The following HVCN1 variants were observed in gnomAD, a reference collection of about 807,000 sequenced individuals.
HVCN1 encodes hydrogen voltage gated channel 1, also known as voltage-gated hydrogen channel 1.
HVCN1 carries 14 observed loss-of-function variants against 29.2 expected under a neutral mutation model. That is an observed-to-expected ratio of 0.48 (90% CI 0.32 to 0.75). The LOEUF is 0.75. HVCN1 is among the 30% of genes least tolerant of loss of function. The pLI is 0.04. For synonymous variants in HVCN1, 131 were observed against 133.2 expected, an observed-to-expected ratio of 0.98 and a Z score of 0.11; for missense variants, 263 against 341.8, an observed-to-expected ratio of 0.77 and a Z score of 1.82.
rs182386983 is a variant in HVCN1 at position 110,696,099 on chromosome 12, C to A, written c.-104+6210G>T. ...TCCTGAGTAGCTGGGATTACAGGAG[C>A]CCGCCACCATGCTCAGCTAATTTTT... On this transcript the variant is annotated intron_variant, in intron 2 of 4. Coordinates refer to the HVCN1 transcript ENST00000546713. 1.1e-3 allele frequency among the ~76,000 whole-genome samples: 169 copies of A among 151,884 alleles called. 3 individuals are homozygous for A. The highest frequency in any genetic ancestry group is 3.9e-3 in the African/African-American group (161 of 41,432).
At chr12:110,654,872 A>G (rs2067937063) in intron 5 of HVCN1, among the ~76,000 whole-genome samples, 1 of 152,098 alleles carries the variant, frequency 6.6e-6, no homozygotes, top group Admixed American at 6.5e-5. Context: ...TGGGCTCAGT[A>G]ACTGAATCAG....
intron 2 of HVCN1, among the ~76,000 whole-genome samples, chr12:110,695,952 A>ATTT (rs200611942): frequency 1.5e-5 from 2 of 137,158 alleles, no homozygotes; most frequent in African/African-American, 2.7e-5. Flanking sequence ...GGATCGTTTG[A>ATTT]TTTTTTTTTT....
chr12:110,682,825 T>TAGATCTC, intron 3 of HVCN1: 2 of 263,254 alleles, frequency 7.6e-6, no homozygotes, highest in Admixed American at 5.1e-5. Context: ...TAGCCAGGTG[T>TAGATCTC]GGTGGTGCAT....
At position 110,653,821 on chromosome 12, in the gene HVCN1, G is replaced by A. The variant is rs1336565310; in HGVS notation, c.411+1413C>T. 4.6e-5 allele frequency among the ~76,000 whole-genome samples: 7 copies of A among 152,090 alleles called. No individual in the cohort carries two copies. In the South Asian group the frequency reaches 6.2e-4, roughly 14 times the overall value. On this transcript the variant is annotated intron_variant, in intron 5 of 7. Transcript: ENST00000242607. ...AGTGCCACTGCACTCCAGCCTGGGCGATAGAGACTGTCTCAAAAAAATAAA... is the reference window on the plus strand; with the variant it reads ...AGTGCCACTGCACTCCAGCCTGGGCAATAGAGACTGTCTCAAAAAAATAAA...
intron 3 of HVCN1, among the ~76,000 whole-genome samples, chr12:110,679,986 AC>A (rs779123906): frequency 2.6e-5 from 4 of 152,112 alleles, no homozygotes; most frequent in South Asian, 2.1e-4. Context: ...TGGCTACAAA[AC>A]CCCACCAGTT....
At chr12:110,698,676 A>T (rs2069529642) in intron 2 of HVCN1, among the ~76,000 whole-genome samples, 1 of 152,164 alleles carries the variant, frequency 6.6e-6, no homozygotes, top group Non-Finnish European at 1.5e-5. Flanking sequence ...GACTTCCAGG[A>T]GTTTCCTCCT....
At chr12:110,660,403 G>A (rs776228163) in intron 4 of HVCN1, among the ~76,000 whole-genome samples, 5 of 152,216 alleles carry the variant, frequency 3.3e-5, no homozygotes, top group Non-Finnish European at 7.3e-5. Context: ...CTAAGGCCAG[G>A]ACAGGCAGGT....
intron 3 of HVCN1, among the ~76,000 whole-genome samples, chr12:110,670,553 T>C (rs752222840): frequency 3.3e-5 from 5 of 152,164 alleles, no homozygotes; most frequent in Non-Finnish European, 7.4e-5. Flanking sequence ...AACCCTGAGG[T>C]TGAGGCCATC....
At chr12:110,654,243 C>T (rs948550059) in intron 5 of HVCN1, among the ~76,000 whole-genome samples, 1 of 151,890 alleles carries the variant, frequency 6.6e-6, no homozygotes, top group Non-Finnish European at 1.5e-5. Context: ...AAGACCCAGT[C>T]TCTGAGAAAC....
intron 3 of HVCN1, among the ~76,000 whole-genome samples, chr12:110,674,721 T>G (rs1480061819): frequency 6.6e-6 from 1 of 152,196 alleles, no homozygotes; most frequent in Non-Finnish European, 1.5e-5. Context: ...TGTAAGTGCT[T>G]TTCGTCTCCT....
At chr12:110,691,606 G>C (rs751872232), upstream of HVCN1, among the ~76,000 whole-genome samples, 12 of 152,174 alleles carry the variant, frequency 7.9e-5, no homozygotes, top group Non-Finnish European at 1.8e-4. Flanking sequence ...AGGGAAAAGG[G>C]AACAAGTACC....
chr12:110,660,553 A>AT (rs954699934), intron 4 of HVCN1, among the ~76,000 whole-genome samples: 14 of 151,868 alleles, frequency 9.2e-5, no homozygotes, highest in Middle Eastern at 6.8e-3. Context: ...CCCTTTATTT[A>AT]TTTTTTTTGT....
chr12:110,689,151 G>GC (rs1263347592), upstream of HVCN1: 15 of 74,148 alleles, frequency 2.0e-4, no homozygotes, highest in Non-Finnish European at 3.8e-4. The surrounding 1 kb of genome is among the most constrained non-coding windows in gnomAD (Gnocchi z 5.7). Context: ...AGCCCGTCCC[G>GC]CCCCGTACCG....
chr12:110,684,943 A>T (rs937190880), intron 2 of HVCN1, among the ~76,000 whole-genome samples: 12 of 151,390 alleles, frequency 7.9e-5, no homozygotes, highest in Admixed American at 3.3e-4. Context: ...CTTTTATTTT[A>T]TTTTTTTTGT....
rs1448068997 is a variant in HVCN1, at chr12:110,649,400, T to C, written c.*10A>G. ...ACAGTGTCTTCTTTTTGAGGGGAGC[T>C]GGTCCGGGTCTAGTTCACTTCACCA... On this transcript the variant is annotated 3_prime_UTR_variant, in exon 8 of 8. Transcript: ENST00000242607. 1.2e-6 allele frequency: 2 copies of C among 1,604,432 alleles called. No homozygotes were observed. Among genetic ancestry groups the C allele is most frequent in the South Asian group, 2.2e-5 (2 of 89,990 alleles).
At chr12:110,699,249 CG>C (rs1316572540) in intron 2 of HVCN1, among the ~76,000 whole-genome samples, 1 of 152,278 alleles carries the variant, frequency 6.6e-6, no homozygotes, top group East Asian at 1.9e-4. Context: ...TTCGTGTTCT[CG>C]GCACACTCGC....
At chr12:110,674,757 C>A (rs1411351869) in intron 3 of HVCN1, among the ~76,000 whole-genome samples, 1 of 152,182 alleles carries the variant, frequency 6.6e-6, no homozygotes, top group African/African-American at 2.4e-5. Context: ...CCTCGCCAGC[C>A]ATATGGAACT....
At chr12:110,667,635 T>C (rs1566043955) in intron 3 of HVCN1, among the ~76,000 whole-genome samples, 1 of 152,068 alleles carries the variant, frequency 6.6e-6, no homozygotes, top group Non-Finnish European at 1.5e-5. Context: ...TTTTGCTATG[T>C]TGCCCAGGCT....
At chr12:110,665,440 C>A (rs1294437746) in intron 3 of HVCN1, among the ~76,000 whole-genome samples, 1 of 151,588 alleles carries the variant, frequency 6.6e-6, no homozygotes, top group South Asian at 2.1e-4. Flanking sequence ...TCTGTAATCC[C>A]AGCTACTTGG....
Sources: allele counts gnomAD v4.1 joint callset (sites outside exome capture counted in the v4.1 genomes callset), GRCh38; gene constraint gnomAD v4.1.1; non-coding constraint Gnocchi (gnomAD v3.1); transcripts MANE v1.5; gene names NCBI Gene and HGNC (gene_info 2026-07-23, HGNC 2026-07-21).